Variants in UNC5C observed in about 807,000 individuals in gnomAD.
UNC5C encodes netrin receptor UNC5C.
Under a neutral mutation model 99.8 loss-of-function variants are expected in UNC5C, and 47 were observed. That is an observed-to-expected ratio of 0.47 (90% CI 0.37 to 0.60). The LOEUF (loss-of-function observed/expected upper bound fraction) is 0.60, where lower values mean the gene tolerates loss of function less well. UNC5C is among the 20% of genes least tolerant of loss of function. The pLI is 0.00. For missense variants in UNC5C, 1,062 were observed against 1,165.9 expected (o/e 0.91, Z 1.30); for synonymous variants, 487 against 452.2 (o/e 1.08, Z -0.98).
chr4:95,195,635 G>GTC (rs1156901890), intron 12 of UNC5C, among the ~76,000 whole-genome samples: 13 of 152,108 alleles, frequency 8.5e-5, no homozygotes, highest in African/African-American at 3.1e-4. Context: ...AATGTGACAG[G>GTC]TAGCAGGATA....
At chr4:95,384,685 T>G (rs1358511815) in intron 1 of UNC5C, among the ~76,000 whole-genome samples, 1 of 152,082 alleles carries the variant, frequency 6.6e-6, no homozygotes. Flanking sequence ...AGATTTCCAT[T>G]TGAAAATGAC....
intron 1 of UNC5C, among the ~76,000 whole-genome samples, chr4:95,372,488 G>A (rs1744776255): frequency 6.6e-6 from 1 of 152,062 alleles, no homozygotes; most frequent in African/African-American, 2.4e-5. Flanking sequence ...AACGGGAAAG[G>A]TTGCTCTGTT....
chr4:95,396,412 A>G (rs1048618451), intron 1 of UNC5C, among the ~76,000 whole-genome samples: 1 of 152,166 alleles, frequency 6.6e-6, no homozygotes. Context: ...TCAGGGAAAT[A>G]TCTCTACTTG....
chr4:95,506,498 A>C (rs186746164), intron 1 of UNC5C, among the ~76,000 whole-genome samples: 2 of 152,016 alleles, frequency 1.3e-5, no homozygotes, highest in Non-Finnish European at 2.9e-5. Context: ...TGTCACTCAC[A>C]TATTTAAAAG....
intron 1 of UNC5C, among the ~76,000 whole-genome samples, chr4:95,514,404 T>C (rs1200654090): frequency 6.6e-6 from 1 of 151,926 alleles, no homozygotes; most frequent in Non-Finnish European, 1.5e-5. Flanking sequence ...TTTACAAAAT[T>C]TTATAGTTCT....
At chr4:95,351,519 C>A (rs1320472059) in intron 1 of UNC5C, among the ~76,000 whole-genome samples, 1 of 151,962 alleles carries the variant, frequency 6.6e-6, no homozygotes, top group Non-Finnish European at 1.5e-5. Context: ...CCAGTTCCCA[C>A]ATTTAAAAAA....
intron 2 of UNC5C, among the ~76,000 whole-genome samples, chr4:95,328,225 C>A (rs1742977130): frequency 1.3e-5 from 1 of 76,864 alleles, no homozygotes; most frequent in South Asian, 6.6e-4. Flanking sequence ...CTCCCCCGAC[C>A]CCACCACAGT....
intron 6 of UNC5C, 126 bp from the exon 7 acceptor site, chr4:95,242,719 T>C: frequency 2.7e-6 from 3 of 1,098,820 alleles, no homozygotes; most frequent in Non-Finnish European, 3.8e-6. Context: ...AAGCACTGTA[T>C]TCATTTCAAT....
chr4:95,220,446 C>T (rs1034209021), intron 7 of UNC5C, among the ~76,000 whole-genome samples: 14 of 152,094 alleles, frequency 9.2e-5, no homozygotes, highest in African/African-American at 3.4e-4. Flanking sequence ...TATAAAGAAA[C>T]TGGAACTAAA....
intron 1 of UNC5C, among the ~76,000 whole-genome samples, chr4:95,441,190 G>A (rs1478444678): frequency 2.0e-5 from 3 of 152,060 alleles, no homozygotes; most frequent in Non-Finnish European, 2.9e-5. Context: ...AATATACAAG[G>A]ACAATTTCAA....
At chr4:95,527,238 A>G (rs1290138602) in intron 1 of UNC5C, among the ~76,000 whole-genome samples, 1 of 152,120 alleles carries the variant, frequency 6.6e-6, no homozygotes, top group Non-Finnish European at 1.5e-5. Context: ...AACGCATCAC[A>G]CACGTTAATA....
At chr4:95,424,734 A>C (rs1048359591) in intron 1 of UNC5C, among the ~76,000 whole-genome samples, 1 of 151,826 alleles carries the variant, frequency 6.6e-6, no homozygotes, top group Admixed American at 6.6e-5. Flanking sequence ...TGTGTTAGCC[A>C]GGATGGTCTG....
intron 12 of UNC5C, among the ~76,000 whole-genome samples, chr4:95,199,023 T>C (rs1189594244): frequency 6.6e-6 from 1 of 151,686 alleles, no homozygotes; most frequent in Non-Finnish European, 1.5e-5. Flanking sequence ...GGCCCTGGAG[T>C]GGGTTTTTAT....
intron 1 of UNC5C, among the ~76,000 whole-genome samples, chr4:95,533,999 G>A (rs1018209309): frequency 6.6e-6 from 1 of 152,072 alleles, no homozygotes; most frequent in Admixed American, 6.5e-5. Context: ...TTCTTTAGAT[G>A]GAATAATATC....
intron 4 of UNC5C, among the ~76,000 whole-genome samples, chr4:95,277,449 A>G (rs1194858037): frequency 6.6e-6 from 1 of 152,198 alleles, no homozygotes; most frequent in African/African-American, 2.4e-5. Context: ...CCTAATAATC[A>G]TTTAAAGGGT....
rs1282027763 is a variant in UNC5C at position 95,245,060 on chromosome 4, C to G, written c.860G>C (p.Cys287Ser). 3 of 1,614,148 alleles carry G rather than the reference C, an allele frequency of 1.9e-6. No individual in the cohort carries two copies. ...GRGYQKRTRT[C>S]TNPAPLNGGA... is the part of the protein sequence containing the mutation. ...CCCATTGAGTGGTGCCGGGTTGGTACAAGTCCTTGTACGTTTCTGATACCC... is the reference window on the plus strand; with the variant it reads ...CCCATTGAGTGGTGCCGGGTTGGTAGAAGTCCTTGTACGTTTCTGATACCC... Residue 287 changes from cysteine to serine, a missense_variant, in exon 6 of 16, where the codon TGT becomes TCT. Coordinates refer to ENST00000453304, the MANE Select transcript of UNC5C (RefSeq NM_003728.4).
intron 1 of UNC5C, among the ~76,000 whole-genome samples, chr4:95,475,225 A>G (rs976968794): frequency 2.0e-5 from 3 of 152,054 alleles, no homozygotes; most frequent in Non-Finnish European, 4.4e-5. Context: ...CTTGACTAAG[A>G]TGATGAAAAC....
intron 1 of UNC5C, among the ~76,000 whole-genome samples, chr4:95,513,086 T>A (rs1360626475): frequency 6.6e-6 from 1 of 152,186 alleles, no homozygotes; most frequent in African/African-American, 2.4e-5. Flanking sequence ...TCGTCATGGT[T>A]GCTAAATATG....
At chr4:95,470,994 G>GA (rs974241651) in intron 1 of UNC5C, among the ~76,000 whole-genome samples, 47 of 150,216 alleles carry the variant, frequency 3.1e-4, no homozygotes, top group African/African-American at 1.0e-3. Context: ...CCTTATGAAA[G>GA]AAAAAAAAAT....
Sources: allele counts gnomAD v4.1 joint callset (sites outside exome capture counted in the v4.1 genomes callset), GRCh38; gene constraint gnomAD v4.1.1; transcripts MANE v1.5; gene names NCBI Gene and HGNC (gene_info 2026-07-23, HGNC 2026-07-21).